MLPH: variants seen among roughly 807,000 people sequenced by gnomAD.
MLPH encodes the protein melanophilin.
A neutral mutation model predicts 72.1 loss-of-function variants in MLPH; 51 were observed. The observed-to-expected ratio is 0.71, with a 90% CI of 0.56 to 0.89. The LOEUF (loss-of-function observed/expected upper bound fraction) is 0.89, where lower values mean the gene tolerates loss of function less well. Ranked by LOEUF, MLPH falls within the 40% of genes least tolerant of loss-of-function variation. The pLI is 0.00. For synonymous variants in MLPH, 301 were observed against 310.1 expected, an observed-to-expected ratio of 0.97 and a Z score of 0.31; for missense variants, 743 against 759.9, an observed-to-expected ratio of 0.98 and a Z score of 0.26.
rs150222393 is a variant in MLPH, at chr2:237,547,058, G to A, written c.1617+375G>A. On this transcript the variant is annotated intron_variant, in intron 13 of 15. Coordinates refer to ENST00000264605, the MANE Select transcript of MLPH (RefSeq NM_024101.7). ...CAGATCACACCCCACAGTTAATTCC[G>A]CGTAGGAGCAAGGCCACCCACACCC... is the stretch of plus-strand genomic sequence containing the variant. Among the ~76,000 whole-genome samples the A allele has an allele frequency of 3.2e-4, 48 of 152,314 alleles. No homozygotes were observed. The East Asian group carries it at 5.0e-3, about 16-fold the overall frequency.
At chr2:237,507,062 C>CCTTTTTTTTTTTTTTTTT (rs2079790824) in intron 2 of MLPH, among the ~76,000 whole-genome samples, 2 of 94,542 alleles carry the variant, frequency 2.1e-5, no homozygotes, top group African/African-American at 4.3e-5. Flanking sequence ...TTTTTTTTTT[C>CCTTTTTTTTTTTTTTTTT]TTTTTTTTTT....
intron 12 of MLPH, among the ~76,000 whole-genome samples, chr2:237,542,921 T>TTG (rs1553602203): frequency 9.6e-5 from 2 of 20,866 alleles, no homozygotes; most frequent in Admixed American, 7.1e-4. Context: ...CAGTGGTGAG[T>TTG]GGGGACAGTG....
At position 237,519,905 on chromosome 2, in the gene MLPH, C is replaced by T. The variant is rs193038129; in HGVS notation, c.556-5C>T. 1.9e-6 allele frequency: 3 copies of T among 1,613,758 alleles called. No individual in the cohort carries two copies. The Admixed American group carries it at 5.0e-5, about 27-fold the overall frequency. On this transcript the variant is annotated splice_region_variant and splice_polypyrimidine_tract_variant and intron_variant, in intron 5 of 15. Transcript: ENST00000264605. ...TGAGTCTTGCCCTGTCTTGTGCCTG[C>T]TAAGAAAAAGCGCCTCCTCTCCGTC... is the stretch of plus-strand genomic sequence containing the variant.
At chr2:237,490,924 G>A (rs1257532772) in intron 1 of MLPH, among the ~76,000 whole-genome samples, 1 of 152,210 alleles carries the variant, frequency 6.6e-6, no homozygotes, top group Non-Finnish European at 1.5e-5. Flanking sequence ...CTTTATGTTT[G>A]AGAGTGGAAA....
chr2:237,489,558 C>T (rs1413244586), intron 1 of MLPH, among the ~76,000 whole-genome samples: 1 of 152,172 alleles, frequency 6.6e-6, no homozygotes, highest in Non-Finnish European at 1.5e-5. Flanking sequence ...CGGGAAACAG[C>T]CACAAAGGAT....
intron 5 of MLPH, 116 bp downstream of exon 5, chr2:237,518,764 T>C: frequency 1.3e-6 from 1 of 780,864 alleles, no homozygotes; most frequent in East Asian, 2.7e-5. Context: ...CACTAGTTTC[T>C]ACTGCATGAG....
intron 4 of MLPH, among the ~76,000 whole-genome samples, chr2:237,516,822 T>A (rs1042523821): frequency 1.5e-4 from 21 of 136,838 alleles, no homozygotes; most frequent in African/African-American, 3.0e-4. Context: ...GATGGATGGA[T>A]GGATGGTAGG....
intron 2 of MLPH, among the ~76,000 whole-genome samples, chr2:237,503,096 G>A (rs2079686345): frequency 1.3e-5 from 2 of 152,146 alleles, no homozygotes; most frequent in Admixed American, 6.5e-5. Flanking sequence ...TCCAGCCTGG[G>A]CAGCAGAGCG....
intron 9 of MLPH, among the ~76,000 whole-genome samples, chr2:237,535,031 G>A (rs2080503183): frequency 6.6e-6 from 1 of 152,218 alleles, no homozygotes; most frequent in Non-Finnish European, 1.5e-5. Context: ...TGTATCATCA[G>A]CACAGCTTAG....
intron 2 of MLPH, among the ~76,000 whole-genome samples, chr2:237,495,825 C>T (rs1024710306): frequency 6.6e-6 from 1 of 152,176 alleles, no homozygotes; most frequent in African/African-American, 2.4e-5. Context: ...CTTCTCAAAG[C>T]CTGAGCAGAG....
intron 9 of MLPH, among the ~76,000 whole-genome samples, chr2:237,537,189 A>G (rs192895880): frequency 2.8e-4 from 42 of 152,312 alleles, no homozygotes; most frequent in African/African-American, 9.6e-4. Flanking sequence ...GTGTCCCGCC[A>G]TGCTGGTTCA....
At chr2:237,519,091 T>G (rs76188007) in intron 5 of MLPH, among the ~76,000 whole-genome samples, 64 of 148,522 alleles carry the variant, frequency 4.3e-4, no homozygotes, top group East Asian at 7.7e-4. Flanking sequence ...TTGTTTGTTT[T>G]TTTTTGCCAA....
chr2:237,525,175 T>G (rs10178682), intron 6 of MLPH, among the ~76,000 whole-genome samples: 25,437 of 152,174 alleles, frequency 0.17, 2,365 homozygotes, highest in African/African-American at 0.23. Context: ...CCAACCCACT[T>G]TTCTGATCTT....
chr2:237,534,764 G>C lies in MLPH; in HGVS notation c.1104+117G>C, dbSNP rs2292885. The C allele has an allele frequency of 0.32, 270,861 of 856,520 alleles. 49,479 individuals are homozygous for C. The highest frequency in any genetic ancestry group is 0.71 in the African/African-American group (42,750 of 60,086). 53.1% of individuals were successfully genotyped at this position (856,520 alleles called of 1,614,324 possible). A position where few individuals can be genotyped will look rare whatever the true frequency, so the allele number is the denominator to read the frequency against. ...TTCTTGAGATTTTGCTGTTTGTAAGGTTAAGTTCTGTGTGTAGTTCTCAGA... is the reference window on the plus strand; with the variant it reads ...TTCTTGAGATTTTGCTGTTTGTAAGCTTAAGTTCTGTGTGTAGTTCTCAGA... On this transcript the variant is annotated intron_variant, in intron 9 of 15. Coordinates refer to ENST00000264605, the MANE Select transcript of MLPH (RefSeq NM_024101.7).
intron 2 of MLPH, among the ~76,000 whole-genome samples, chr2:237,501,838 TAAATA>T (rs1165560349): frequency 6.6e-6 from 1 of 151,842 alleles, no homozygotes; most frequent in Non-Finnish European, 1.5e-5. Flanking sequence ...ATAATAATAA[TAAATA>T]AAATAATTAG....
At chr2:237,544,472 G>C (rs1478862502) in intron 12 of MLPH, among the ~76,000 whole-genome samples, 4 of 50,676 alleles carry the variant, frequency 7.9e-5, no homozygotes, top group African/African-American at 2.7e-4. Context: ...AGTGAGTGGG[G>C]ACAGTGGTGA....
At chr2:237,515,903 G>A (rs997268869) in intron 4 of MLPH, among the ~76,000 whole-genome samples, 3 of 152,206 alleles carry the variant, frequency 2.0e-5, no homozygotes, top group Non-Finnish European at 4.4e-5. Flanking sequence ...ACTGCGAGCC[G>A]AGCCCTCACA....
chr2:237,526,975 G>A (rs1014692138), intron 7 of MLPH, among the ~76,000 whole-genome samples: 2 of 152,178 alleles, frequency 1.3e-5, no homozygotes, highest in African/African-American at 4.8e-5. Flanking sequence ...CATTGTCATA[G>A]GGATTAAATG....
chr2:237,540,702 AG>A (rs2080658606), intron 10 of MLPH, 99 bp from the exon 11 acceptor site: 2 of 1,539,630 alleles, frequency 1.3e-6, no homozygotes, highest in East Asian at 2.4e-5. Flanking sequence ...ACCAGCTCCC[AG>A]GGTTCAGAGA....
Sources: gnomAD v4.1 joint callset for allele counts (sites outside exome capture counted in the v4.1 genomes callset) on GRCh38, gnomAD v4.1.1 for gene constraint, MANE v1.5 for transcripts, NCBI Gene and HGNC (gene_info 2026-07-23, HGNC 2026-07-21) for gene names.